MIS18BP1: variants seen among roughly 807,000 people sequenced by gnomAD.
MIS18BP1 encodes MIS18 binding protein 1.
A neutral mutation model predicts 116.1 loss-of-function variants in MIS18BP1; 72 were observed. That is an observed-to-expected ratio of 0.62 (90% CI 0.51 to 0.75). The LOEUF is 0.75. Among genes scored for constraint, MIS18BP1 ranks in the 30% least tolerant of loss-of-function variants. The pLI is 0.00. For missense variants in MIS18BP1, 1,363 were observed against 1,303.2 expected, an observed-to-expected ratio of 1.05 and a Z score of -0.71; for synonymous variants, 386 against 427.0, an observed-to-expected ratio of 0.90 and a Z score of 1.18.
At position 45,227,777 on chromosome 14, in the gene MIS18BP1, A is replaced by C; in HGVS notation, c.1632T>G (p.Ala544=). ...KSNKHSESPG[A]TELNMCHSNC... ...TACTGTGGCACATGTTTAATTCTGT[A>C]GCTCCTGGTGACTCACTGTGCTTAT... The change falls in exon 9 of 17, where the codon GCT becomes GCG. Residue 544 remains alanine (A), a synonymous_variant. Transcript: ENST00000310806. 1 of 1,614,044 alleles carries C rather than the reference A, an allele frequency of 6.2e-7. No homozygotes were observed. The highest frequency in any genetic ancestry group is 8.5e-7 in the Non-Finnish European group (1 of 1,179,934).
chr14:45,244,124 T>C (rs974149819), intron 2 of MIS18BP1, among the ~76,000 whole-genome samples: 2 of 152,140 alleles, frequency 1.3e-5, no homozygotes, highest in African/African-American at 4.8e-5. Flanking sequence ...CACAACCTAC[T>C]GTGTAGTGGT....
intron 6 of MIS18BP1, 38 bp downstream of exon 6, chr14:45,235,776 C>T (rs772441786): frequency 8.4e-6 from 13 of 1,543,010 alleles, no homozygotes; most frequent in East Asian, 4.6e-5. Context: ...AACTGCTTTA[C>T]TTCTTAAAAT....
At chr14:45,206,024 A>T in intron 15 of MIS18BP1, 59 bp downstream of exon 15, 1 of 1,094,288 alleles carries the variant, frequency 9.1e-7, no homozygotes, top group Non-Finnish European at 1.4e-6. Context: ...CAACTACCAC[A>T]GTTTATCACA....
chr14:45,206,005 C>T (rs1043743115), intron 15 of MIS18BP1, 78 bp downstream of exon 15: 55 of 908,928 alleles, frequency 6.1e-5, no homozygotes, highest in Non-Finnish European at 9.2e-5. Context: ...GGGACTGTTA[C>T]ATGACTTACA....
In MIS18BP1 at chr14:45,248,055, G is replaced by GTTTTTTTTTTTTTTT. The variant is rs3036381; in HGVS notation, c.-91-693_-91-679dup. On this transcript the variant is annotated intron_variant, in intron 1 of 16. Transcript: ENST00000310806. ...ACGTAGTTTTAGTCTTGTTTCTTTC[G>GTTTTTTTTTTTTTTT]TTTTTTTTTTTTTTTTTTCTTTTTT... Among the ~76,000 whole-genome samples the GTTTTTTTTTTTTTTT allele has an allele frequency of 5.4e-4, 59 of 109,220 alleles. 1 individual carries two copies. Among genetic ancestry groups the GTTTTTTTTTTTTTTT allele is most frequent in the Non-Finnish European group, 6.6e-4 (35 of 52,842 alleles). The allele number at this position is 109,220 out of a possible 152,430, so 71.7% of individuals were successfully genotyped here. A position where few individuals can be genotyped will look rare whatever the true frequency, so the allele number is the denominator to read the frequency against.
At chr14:45,218,901 T>G (rs532135503) in intron 11 of MIS18BP1, among the ~76,000 whole-genome samples, 1 of 129,802 alleles carries the variant, frequency 7.7e-6, no homozygotes, top group South Asian at 2.9e-4. Context: ...AAAAGTGTTA[T>G]GCTTGCTTTC....
intron 8 of MIS18BP1, among the ~76,000 whole-genome samples, chr14:45,229,516 A>C (rs772255750): frequency 5.6e-4 from 85 of 152,108 alleles, no homozygotes; most frequent in Non-Finnish European, 1.1e-3. Flanking sequence ...AAAAAAAAAA[A>C]AAATTGCTGA....
chr14:45,237,809 T>TA, intron 4 of MIS18BP1, 88 bp from the exon 5 acceptor site: 2 of 1,476,772 alleles, frequency 1.4e-6, no homozygotes, highest in African/African-American at 1.5e-5. Flanking sequence ...AGAAAAAACT[T>TA]GTCTAAGTAA....
rs1360994322 is a variant in MIS18BP1 at position 45,224,281 on chromosome 14, G to C, written c.2306C>G (p.Pro769Arg). ...TTCACTTTCTTCACTTGACAAATCT[G>C]GTGAGGACTGATGCTTATAAAATGA... ...AMSFYKHQSS[P>R]DLSSEESETE... The change falls in exon 11 of 17, where the codon CCA becomes CGA. Residue 769 changes from proline to arginine, a missense_variant. Coordinates refer to ENST00000310806, the MANE Select transcript of MIS18BP1 (RefSeq NM_018353.5). 1 of 1,613,502 alleles carries C rather than the reference G, an allele frequency of 6.2e-7. No homozygotes were observed. The highest frequency in any genetic ancestry group is 8.5e-7 in the Non-Finnish European group (1 of 1,179,850).
intron 6 of MIS18BP1, among the ~76,000 whole-genome samples, chr14:45,233,039 G>C (rs1000566749): frequency 2.6e-5 from 4 of 152,156 alleles, no homozygotes; most frequent in African/African-American, 9.7e-5. Context: ...TAACCAATAA[G>C]TACAATATCT....
intron 12 of MIS18BP1, 101 bp downstream of exon 12, chr14:45,218,158 CTAGCTTTAAAATTTTAAGAAAAT>C: frequency 9.2e-7 from 1 of 1,089,536 alleles, no homozygotes; most frequent in South Asian, 1.7e-5. Context: ...GAAATTCTCT[CTAGCTTTAAAATTTTAAGAAAAT>C]ACCTATTAAT....
At chr14:45,247,512 A>C (rs1460775767) in intron 1 of MIS18BP1, 135 bp from the exon 2 acceptor site, 2 of 358,022 alleles carry the variant, frequency 5.6e-6, no homozygotes, top group Non-Finnish European at 9.9e-6. Context: ...CACAAATCAG[A>C]CTAAGATTTT....
At chr14:45,227,549 G>GAAA (rs200663824) in intron 9 of MIS18BP1, 114 bp downstream of exon 9, 1,443 of 647,238 alleles carry the variant, frequency 2.2e-3, no homozygotes, top group Middle Eastern at 4.3e-3. Flanking sequence ...CATCTCAAAA[G>GAAA]AAAAAAAAAA....
At chr14:45,250,663 G>C (rs1404787500) in intron 1 of MIS18BP1, among the ~76,000 whole-genome samples, 1 of 152,204 alleles carries the variant, frequency 6.6e-6, no homozygotes, top group Non-Finnish European at 1.5e-5. Flanking sequence ...GACAAATGTT[G>C]ATGTACTAGG....
At chr14:45,213,400 C>T (rs959368161) in intron 13 of MIS18BP1, among the ~76,000 whole-genome samples, 4 of 152,120 alleles carry the variant, frequency 2.6e-5, no homozygotes, top group African/African-American at 9.7e-5. Context: ...ATTTTAAGGT[C>T]AAGGAACAAG....
chr14:45,237,798 A>G, intron 4 of MIS18BP1, 77 bp from the exon 5 acceptor site: 1 of 1,503,018 alleles, frequency 6.7e-7, no homozygotes. Context: ...CTTACATTAA[A>G]AGAAAAAACT....
intron 6 of MIS18BP1, among the ~76,000 whole-genome samples, chr14:45,233,247 A>G (rs1891337867): frequency 6.6e-6 from 1 of 152,162 alleles, no homozygotes; most frequent in Non-Finnish European, 1.5e-5. Context: ...GAAAGGCAAG[A>G]GTATACCTGG....
intron 4 of MIS18BP1, among the ~76,000 whole-genome samples, chr14:45,240,696 C>T (rs1891552409): frequency 6.6e-6 from 1 of 151,532 alleles, no homozygotes; most frequent in Non-Finnish European, 1.5e-5. Flanking sequence ...TTAAAAAATG[C>T]AGGCCATGTT....
Position 45,227,809 on chromosome 14 carries a change from T to C in MIS18BP1, c.1600A>G (p.Lys534Glu). 1 of 1,613,506 alleles carries C rather than the reference T, an allele frequency of 6.2e-7. No individual in the cohort carries two copies. The highest frequency in any genetic ancestry group is 8.5e-7 in the Non-Finnish European group (1 of 1,179,604). ...YDFDCDNLEL[K>E]SNKHSESPGA... ...GGTGACTCACTGTGCTTATTACTCT[T>C]CAGTTCTATGAATACAAAGATGGAG... Residue 534 changes from lysine (K) to glutamate (E), a missense_variant, in exon 9 of 17, where the codon AAG (lysine) becomes GAG (glutamate). Lys to Glu is a moderately conservative substitution (Grantham distance 56). Transcript: ENST00000310806.
Sources: allele counts gnomAD v4.1 joint callset (sites outside exome capture counted in the v4.1 genomes callset), GRCh38; gene constraint gnomAD v4.1.1; transcripts MANE v1.5; gene names NCBI Gene and HGNC (gene_info 2026-07-23, HGNC 2026-07-21).